SFMBT1: variants seen among roughly 807,000 people sequenced by gnomAD.
The protein encoded by SFMBT1 is Scm like with four mbt domains 1.
Under a neutral mutation model 108.7 loss-of-function variants are expected in SFMBT1, and 32 were observed. That is an observed-to-expected ratio of 0.29 (90% CI 0.22 to 0.40). The LOEUF is 0.40. Among genes scored for constraint, SFMBT1 ranks in the 10% least tolerant of loss-of-function variants. The pLI is 1.00. For synonymous variants in SFMBT1, 348 were observed against 369.5 expected (o/e 0.94, Z 0.67); for missense variants, 816 against 1,059.6 (o/e 0.77, Z 3.19).
intron 6 of SFMBT1, 56 bp downstream of exon 6, chr3:52,932,006 T>C (rs1559515599): frequency 1.9e-6 from 3 of 1,564,900 alleles, no homozygotes; most frequent in East Asian, 4.5e-5. Flanking sequence ...GCCTCATAGA[T>C]ATTAATAACA....
At chr3:52,929,519 G>A (rs557996461) in intron 8 of SFMBT1, among the ~76,000 whole-genome samples, 4 of 152,286 alleles carry the variant, frequency 2.6e-5, no homozygotes, top group East Asian at 1.9e-4. Context: ...GATGACAGGC[G>A]TGAGCCACCA....
chr3:52,977,852 A>T (rs11706035), intron 1 of SFMBT1, among the ~76,000 whole-genome samples: 14,359 of 152,256 alleles, frequency 0.094, 699 homozygotes, highest in African/African-American at 0.11. Context: ...TTCTTTTAAC[A>T]GTATTGGGTA....
chr3:53,008,015 C>T (rs1205914013), intron 1 of SFMBT1, among the ~76,000 whole-genome samples: 1 of 150,528 alleles, frequency 6.6e-6, no homozygotes, highest in East Asian at 2.0e-4. Context: ...GACTTGGCAA[C>T]TAAAAGCAAA....
At chr3:52,926,216 G>A (rs1482749617) in intron 9 of SFMBT1, 103 bp from the exon 10 acceptor site, 4 of 942,232 alleles carry the variant, frequency 4.2e-6, no homozygotes, top group Non-Finnish European at 4.9e-6. Flanking sequence ...AGTGATGCTA[G>A]TCTGACAACT....
rs7626551 is a variant in SFMBT1 at position 52,904,076 on chromosome 3, C to G, written c.*1060G>C. On this transcript the variant is annotated 3_prime_UTR_variant, in exon 21 of 21. Coordinates refer to ENST00000394752, the MANE Select transcript of SFMBT1 (RefSeq NM_016329.4). ...TACCCTCCAAAACATGTTTTCTGTG[C>G]TGTGCTTCTACACTGGAGACACCTG... 87,285 of 152,030 alleles carry G rather than the reference C, an allele frequency of 0.57. 25,569 individuals carry two copies. Among genetic ancestry groups the G allele is most frequent in the Middle Eastern group, 0.64 (188 of 294 alleles). 9.4% of individuals were successfully genotyped at this position (152,030 alleles called of 1,614,324 possible).
chr3:53,032,145 G>A (rs1054351733), intron 1 of SFMBT1, among the ~76,000 whole-genome samples: 3 of 152,176 alleles, frequency 2.0e-5, no homozygotes, highest in Non-Finnish European at 4.4e-5. Context: ...CAAGGCGAGT[G>A]GAATGTTTGA....
intron 1 of SFMBT1, among the ~76,000 whole-genome samples, chr3:53,025,050 T>TTA (rs1699441802): frequency 6.6e-6 from 1 of 152,170 alleles, no homozygotes; most frequent in South Asian, 2.1e-4. Flanking sequence ...TTTAATATTT[T>TTA]TATATAAGTA....
chr3:52,951,274 C>T (rs895973002), intron 3 of SFMBT1, among the ~76,000 whole-genome samples: 3 of 148,308 alleles, frequency 2.0e-5, no homozygotes, highest in African/African-American at 7.5e-5. Flanking sequence ...ATAGTTAAGG[C>T]ATTTAAAGCA....
At chr3:52,943,294 C>A in intron 4 of SFMBT1, 59 bp downstream of exon 4, 2 of 1,608,300 alleles carry the variant, frequency 1.2e-6, no homozygotes, top group South Asian at 2.2e-5. Flanking sequence ...AGACTGTGGA[C>A]AATCCAAATT....
chr3:53,021,666 G>C (rs915081540), intron 1 of SFMBT1, among the ~76,000 whole-genome samples: 1 of 152,074 alleles, frequency 6.6e-6, no homozygotes, highest in East Asian at 1.9e-4. Flanking sequence ...GAAGACACAA[G>C]GAAGCAGGAG....
At chr3:52,981,643 T>C (rs905725181) in intron 1 of SFMBT1, among the ~76,000 whole-genome samples, 21 of 151,116 alleles carry the variant, frequency 1.4e-4, no homozygotes, top group East Asian at 1.2e-3. Context: ...CCTCCCAAAA[T>C]GCTGGGATTT....
At position 53,045,843 on chromosome 3, in the gene SFMBT1, G is replaced by C. The variant is rs928177310; in HGVS notation, c.-158C>G. 1 of 150,012 alleles carries C rather than the reference G, an allele frequency of 6.7e-6. No individual in the cohort carries two copies. The highest frequency in any genetic ancestry group is 2.4e-5 in the African/African-American group (1 of 40,908). 9.3% of individuals were successfully genotyped at this position (150,012 alleles called of 1,614,324 possible). A position where few individuals can be genotyped will look rare whatever the true frequency, so the allele number is the denominator to read the frequency against. ...GCCCGGAGTTTTCGCGCGCGCGCTC[G>C]CTCGATCGCTCGCTTTTCCCCCTCT... On this transcript the variant is annotated 5_prime_UTR_variant, in exon 1 of 21. Transcript: ENST00000394752.
At chr3:52,947,431 T>C (rs1391484255) in intron 3 of SFMBT1, among the ~76,000 whole-genome samples, 2 of 152,180 alleles carry the variant, frequency 1.3e-5, no homozygotes, top group Admixed American at 1.3e-4. Flanking sequence ...TTTTCACTTT[T>C]AACCATTTTG....
intron 10 of SFMBT1, among the ~76,000 whole-genome samples, chr3:52,923,950 T>C (rs887370911): frequency 1.3e-5 from 2 of 151,862 alleles, no homozygotes; most frequent in African/African-American, 4.8e-5. Context: ...TGAAAAGTGG[T>C]TCTATACCTT....
chr3:52,947,407 G>A (rs1307284046), intron 3 of SFMBT1, among the ~76,000 whole-genome samples: 3 of 151,996 alleles, frequency 2.0e-5, no homozygotes, highest in South Asian at 2.1e-4. Context: ...GTGAGCCACC[G>A]CGCCCAGCCC....
rs752423354 is a variant in SFMBT1, at chr3:52,913,613, C to A, written c.1485G>T (p.Met495Ile). 37 of 1,613,236 alleles carry A rather than the reference C, an allele frequency of 2.3e-5. No individual in the cohort carries two copies. Among genetic ancestry groups the A allele is most frequent in the Non-Finnish European group, 3.0e-5 (35 of 1,179,806 alleles). ...NQELNSTESV[M>I]INGKYCCPKI... ...TTGGACAGCAATATTTTCCATTAAT[C>A]ATAACTGGGAAATGAAGAAAAACAA... The change falls in exon 15 of 21, where the codon ATG (methionine) becomes ATT (isoleucine). Residue 495 changes from methionine (M) to isoleucine (I), a missense_variant. Met to Ile is a conservative substitution (Grantham distance 10, BLOSUM62 1). Around this residue, in one of 5 missense-constraint regions of SFMBT1, gnomAD observed 495 missense variants for 607.4 expected, o/e 0.81. Transcript: ENST00000394752.
rs1448849638 is a variant in SFMBT1, at chr3:53,001,925, T to TCTCTCACACA, written c.-130-32668_-130-32667insTGTGTGAGAG. On this transcript the variant is annotated intron_variant, in intron 1 of 20. Coordinates refer to ENST00000394752, the MANE Select transcript of SFMBT1 (RefSeq NM_016329.4). ...GGGCAACAGAGCAAGACCCAGTCTC[T>TCTCTCACACA]CACACACACACACACACACACACAC... 3.8e-3 allele frequency among the ~76,000 whole-genome samples: 485 copies of TCTCTCACACA among 129,230 alleles called. 38 individuals carry two copies. The highest frequency in any genetic ancestry group is 0.035 in the Admixed American group (426 of 12,122). The allele number at this position is 129,230 out of a possible 152,430, so 84.8% of individuals were successfully genotyped here.
intron 1 of SFMBT1, among the ~76,000 whole-genome samples, chr3:52,980,542 G>A (rs1246130001): frequency 6.6e-6 from 1 of 151,876 alleles, no homozygotes; most frequent in Non-Finnish European, 1.5e-5. Flanking sequence ...GCAGAAAGAA[G>A]TGGTGACATT....
intron 1 of SFMBT1, among the ~76,000 whole-genome samples, chr3:52,996,641 T>C (rs78814769): frequency 0.011 from 1,618 of 150,506 alleles, 59 homozygotes; most frequent in African/African-American, 0.036. Flanking sequence ...GAAGTATCAT[T>C]ACACACCAAC....
Sources: allele counts gnomAD v4.1 joint callset (sites outside exome capture counted in the v4.1 genomes callset), GRCh38; gene constraint gnomAD v4.1.1; regional missense constraint gnomAD v4.1.1; transcripts MANE v1.5; gene names NCBI Gene and HGNC (gene_info 2026-07-23, HGNC 2026-07-21).